ACYP2: variants seen among roughly 807,000 people sequenced by gnomAD.
ACYP2 encodes the protein acylphosphatase-2.
Under a neutral mutation model 11.2 loss-of-function variants are expected in ACYP2, and 12 were observed. The observed-to-expected ratio is 1.08, with a 90% confidence interval of 0.69 to 1.74. The LOEUF is 1.74. ACYP2 is among the 40% of genes most tolerant of loss of function. ACYP2 has a pLI of 0.00. For missense variants in ACYP2, 134 were observed against 101.9 expected, an observed-to-expected ratio of 1.31 and a Z score of -1.35; for synonymous variants, 43 against 32.2, an observed-to-expected ratio of 1.33 and a Z score of -1.13.
At chr2:54,214,620 T>C (rs950816625) in intron 6 of ACYP2, among the ~76,000 whole-genome samples, 1 of 152,206 alleles carries the variant, frequency 6.6e-6, no homozygotes, top group Non-Finnish European at 1.5e-5. Flanking sequence ...TGTACCAGTA[T>C]AGCACACTTT....
At chr2:54,201,573 C>T (rs1335151999) in intron 6 of ACYP2, among the ~76,000 whole-genome samples, 1 of 144,824 alleles carries the variant, frequency 6.9e-6, no homozygotes, top group Non-Finnish European at 1.5e-5. Context: ...TGGATGATAG[C>T]CAGCTTCTTT....
intron 2 of ACYP2, among the ~76,000 whole-genome samples, chr2:54,027,986 G>A (rs1276871601): frequency 6.6e-6 from 1 of 151,762 alleles, no homozygotes; most frequent in East Asian, 1.9e-4. Context: ...GGGGTTACAG[G>A]TGCCTGCCAC....
chr2:54,099,948 A>G (rs1177633683), intron 4 of ACYP2, among the ~76,000 whole-genome samples: 1 of 152,148 alleles, frequency 6.6e-6, no homozygotes, highest in Non-Finnish European at 1.5e-5. Flanking sequence ...ACCCTCGCCA[A>G]CACTATCGTT....
intron 6 of ACYP2, among the ~76,000 whole-genome samples, chr2:54,227,628 A>AC (rs1347571699): frequency 6.6e-6 from 1 of 152,100 alleles, no homozygotes; most frequent in African/African-American, 2.4e-5. Context: ...ATTTCAAAAA[A>AC]AAAAAAAATA....
intron 6 of ACYP2, among the ~76,000 whole-genome samples, chr2:54,234,242 G>A (rs843666): frequency 0.58 from 87,927 of 152,030 alleles, 25,836 homozygotes; most frequent in African/African-American, 0.68. Context: ...CATTGTAAAC[G>A]GATTTTATCA....
intron 6 of ACYP2, chr2:54,267,394 G>A: frequency 2.0e-6 from 3 of 1,526,306 alleles, no homozygotes; most frequent in Non-Finnish European, 2.6e-6. Context: ...CAAATGAGAA[G>A]GGCTTATACA....
intron 4 of ACYP2, among the ~76,000 whole-genome samples, chr2:54,108,717 CTT>C (rs1214210272): frequency 5.3e-5 from 8 of 152,156 alleles, no homozygotes; most frequent in Non-Finnish European, 8.8e-5. Flanking sequence ...CAAAATCTGA[CTT>C]TGCCATTTTT....
intron 2 of ACYP2, among the ~76,000 whole-genome samples, chr2:54,029,332 G>A (rs376954037): frequency 3.9e-5 from 6 of 151,920 alleles, no homozygotes; most frequent in African/African-American, 1.2e-4. Context: ...CACTGTTGAT[G>A]TTTACCTTGA....
chr2:54,296,186 G>T (rs1259859805), intron 6 of ACYP2, among the ~76,000 whole-genome samples: 2 of 152,208 alleles, frequency 1.3e-5, no homozygotes, highest in African/African-American at 4.8e-5. Context: ...ACAGAGTAGG[G>T]GTGGGGCCCT....
intron 4 of ACYP2, among the ~76,000 whole-genome samples, chr2:54,090,488 G>A (rs1157462692): frequency 6.6e-6 from 1 of 152,120 alleles, no homozygotes; most frequent in East Asian, 1.9e-4. Flanking sequence ...AAAATTAGCT[G>A]GGCGGGGTGG....
intron 2 of ACYP2, among the ~76,000 whole-genome samples, chr2:53,998,357 T>C (rs1276014064): frequency 6.6e-6 from 1 of 152,130 alleles, no homozygotes; most frequent in Non-Finnish European, 1.5e-5. Context: ...CTTAAGCAAC[T>C]ATAGGATCAG....
At chr2:54,204,104 C>T (rs566447048) in intron 6 of ACYP2, among the ~76,000 whole-genome samples, 58 of 152,290 alleles carry the variant, frequency 3.8e-4, no homozygotes, top group African/African-American at 1.4e-3. Context: ...AAGTGATTCA[C>T]CTGTCTCAGC....
At chr2:54,259,229 A>G (rs1245985646) in intron 6 of ACYP2, among the ~76,000 whole-genome samples, 2 of 152,316 alleles carry the variant, frequency 1.3e-5, no homozygotes, top group South Asian at 2.1e-4. Flanking sequence ...CTTTTTTAAC[A>G]TATTGTTTGA....
In ACYP2 at chr2:53,973,704, CT is replaced by C. The variant is rs1292451576; in HGVS notation, c.-36-4del. 9 of 284,080 alleles carry C rather than the reference CT, an allele frequency of 3.2e-5. No individual in the cohort carries two copies. Among genetic ancestry groups the C allele is most frequent in the East Asian group, 5.6e-5 (1 of 17,788 alleles). The allele number at this position is 284,080 out of a possible 1,614,324, so 17.6% of individuals were successfully genotyped here. A position where few individuals can be genotyped will look rare whatever the true frequency, so the allele number is the denominator to read the frequency against. On this transcript the variant is annotated splice_polypyrimidine_tract_variant and splice_region_variant and intron_variant, in intron 1 of 6. Transcript: ENST00000607452. ...TAATCCCAACACCCTTTGCTGACTC[CT>C]TTTTCAGACTCAGCCTGCCTGCACC...
At chr2:54,062,465 A>C (rs887697742) in intron 4 of ACYP2, among the ~76,000 whole-genome samples, 2 of 152,226 alleles carry the variant, frequency 1.3e-5, no homozygotes, top group Non-Finnish European at 2.9e-5. Flanking sequence ...CAACCTATAT[A>C]GAAAAATAAA....
chr2:54,223,174 TCAGA>T (rs1685870074), intron 6 of ACYP2: 1 of 152,178 alleles, frequency 6.6e-6, no homozygotes, highest in African/African-American at 2.4e-5. Context: ...GTCTCATCAG[TCAGA>T]CAGCCCCCAT....
intron 6 of ACYP2, chr2:54,254,807 C>G: frequency 9.4e-7 from 1 of 1,067,208 alleles, no homozygotes; most frequent in Non-Finnish European, 1.3e-6. Flanking sequence ...ACAGAGGGTA[C>G]AGGAAAGTCA....
At chr2:54,221,493 C>A (rs563639591) in intron 6 of ACYP2, among the ~76,000 whole-genome samples, 44 of 150,018 alleles carry the variant, frequency 2.9e-4, no homozygotes, top group African/African-American at 1.1e-3. Flanking sequence ...TGGCTAGTGG[C>A]CATTACAAAT....
At chr2:54,096,699 G>C (rs35317379) in intron 4 of ACYP2, among the ~76,000 whole-genome samples, 2 of 151,564 alleles carry the variant, frequency 1.3e-5, no homozygotes, top group African/African-American at 2.4e-5. Flanking sequence ...CAGGTGTGGC[G>C]GCGCGCGCCT....
Sources: allele counts gnomAD v4.1 joint callset (sites outside exome capture counted in the v4.1 genomes callset), GRCh38; gene constraint gnomAD v4.1.1; transcripts MANE v1.5; gene names NCBI Gene and HGNC (gene_info 2026-07-23, HGNC 2026-07-21).